PTPRT: variants seen among roughly 807,000 people sequenced by gnomAD.
The protein encoded by PTPRT is receptor-type tyrosine-protein phosphatase T.
Under a neutral mutation model 176.8 loss-of-function variants are expected in PTPRT, and 56 were observed. The observed-to-expected ratio is 0.32, with a 90% confidence interval of 0.26 to 0.40. The LOEUF is 0.40. PTPRT is among the 10% of genes least tolerant of loss of function. The probability of loss-of-function intolerance (pLI) is 1.00; values close to 1 mark genes in which losing one functional copy is unlikely to be tolerated. For synonymous variants in PTPRT, 783 were observed against 739.0 expected (o/e 1.06, Z -0.96); for missense variants, 1,540 against 1,908.2 (o/e 0.81, Z 3.60).
intron 16 of PTPRT, among the ~76,000 whole-genome samples, chr20:42,166,248 T>C (rs1285796601): frequency 6.6e-6 from 1 of 152,184 alleles, no homozygotes; most frequent in Non-Finnish European, 1.5e-5. Flanking sequence ...TGATCCAGTG[T>C]AAAACAGCTC....
chr20:42,221,210 G>C (rs2055879162), intron 15 of PTPRT, among the ~76,000 whole-genome samples: 2 of 152,130 alleles, frequency 1.3e-5, no homozygotes, highest in South Asian at 4.1e-4. Context: ...CGCCATGTTG[G>C]CCAGGGTGGT....
At chr20:42,446,004 A>G (rs2070726154) in intron 9 of PTPRT, among the ~76,000 whole-genome samples, 1 of 152,202 alleles carries the variant, frequency 6.6e-6, no homozygotes, top group South Asian at 2.1e-4. Flanking sequence ...AATTTTAATC[A>G]TGATATTTCT....
intron 2 of PTPRT, among the ~76,000 whole-genome samples, chr20:42,812,423 T>C (rs1295009597): frequency 1.3e-5 from 2 of 152,134 alleles, no homozygotes; most frequent in African/African-American, 4.8e-5. Flanking sequence ...TAACCTCTAA[T>C]CTACTTTCTA....
intron 14 of PTPRT, among the ~76,000 whole-genome samples, chr20:42,237,544 A>G (rs1472747742): frequency 6.6e-6 from 1 of 152,218 alleles, no homozygotes; most frequent in African/African-American, 2.4e-5. Flanking sequence ...TATTTTATAT[A>G]TTGAAGTTTT....
the PTPRT span, among the ~76,000 whole-genome samples, chr20:42,059,439 A>T: frequency 0.12 from 17,512 of 152,214 alleles, 2,516 homozygotes; most frequent in African/African-American, 0.34. Context: ...ATGAGATGCA[A>T]GAAGGCGGCT....
intron 1 of PTPRT, among the ~76,000 whole-genome samples, chr20:43,183,754 G>T (rs559868721): frequency 1.3e-5 from 2 of 152,348 alleles, no homozygotes; most frequent in Admixed American, 1.3e-4. Context: ...TGTCTCCATA[G>T]ATCTGCCTTA....
chr20:42,083,596 G>A (rs992050536), intron 29 of PTPRT, among the ~76,000 whole-genome samples: 3 of 152,172 alleles, frequency 2.0e-5, no homozygotes, highest in Non-Finnish European at 4.4e-5. Context: ...TGCCTAACAT[G>A]TGCATGCACC....
At chr20:42,138,679 G>C (rs528650951) in intron 18 of PTPRT, among the ~76,000 whole-genome samples, 1 of 152,246 alleles carries the variant, frequency 6.6e-6, no homozygotes, top group South Asian at 2.1e-4. Flanking sequence ...CTGCCCTAGA[G>C]TTACTTGGAA....
chr20:43,141,580 T>C (rs1296126525), intron 1 of PTPRT, among the ~76,000 whole-genome samples: 1 of 152,152 alleles, frequency 6.6e-6, no homozygotes, highest in Non-Finnish European at 1.5e-5. Flanking sequence ...GAGCCACGTG[T>C]CCAAGCCCAG....
chr20:43,045,454 C>CTTTT (rs1177406632), intron 1 of PTPRT, among the ~76,000 whole-genome samples: 29 of 119,302 alleles, frequency 2.4e-4, no homozygotes, highest in Middle Eastern at 4.0e-3. Flanking sequence ...TTCTTTTTTT[C>CTTTT]ATTTTTTTTT....
intron 7 of PTPRT, among the ~76,000 whole-genome samples, chr20:42,574,514 A>G (rs1361085518): frequency 6.6e-6 from 1 of 152,184 alleles, no homozygotes; most frequent in Non-Finnish European, 1.5e-5. Context: ...GGCCTCCAAA[A>G]GAGACAGTGC....
At chr20:42,667,653 C>T (rs1433240439) in intron 7 of PTPRT, among the ~76,000 whole-genome samples, 1 of 152,182 alleles carries the variant, frequency 6.6e-6, no homozygotes. Flanking sequence ...TGAGGGATTA[C>T]TTGTTGACTT....
intron 16 of PTPRT, among the ~76,000 whole-genome samples, chr20:42,168,428 A>G (rs1299872236): frequency 6.6e-6 from 1 of 152,202 alleles, no homozygotes; most frequent in African/African-American, 2.4e-5. Context: ...TCAAGGTGGA[A>G]CCTGGCTGGC....
chr20:42,110,523 T>C lies in PTPRT; in HGVS notation c.3100-36A>G, dbSNP rs755877917. 31 of 1,555,056 alleles carry C rather than the reference T, an allele frequency of 2.0e-5. No homozygotes were observed. In the Admixed American group the frequency reaches 5.2e-4, roughly 26 times the overall value. On this transcript the variant is annotated intron_variant, in intron 22 of 30. Coordinates refer to ENST00000373187, the MANE Select transcript of PTPRT (RefSeq NM_007050.6). ...AACGGGCCTCTGTTCTTCCAGCTGC[T>C]GCCCTCGCATACCCAGCCCAGCAAC...
At chr20:42,760,362 A>C (rs960093262) in intron 5 of PTPRT, among the ~76,000 whole-genome samples, 2 of 141,902 alleles carry the variant, frequency 1.4e-5, no homozygotes, top group African/African-American at 5.2e-5. Context: ...ATTTTCTGGC[A>C]GTCTGTTTCT....
At chr20:42,186,410 C>T (rs1990785013) in intron 16 of PTPRT, among the ~76,000 whole-genome samples, 1 of 151,742 alleles carries the variant, frequency 6.6e-6, no homozygotes, top group Non-Finnish European at 1.5e-5. Context: ...TTCCACCCCA[C>T]ATTCCTTCTA....
intron 27 of PTPRT, among the ~76,000 whole-genome samples, chr20:42,090,780 C>T (rs1032113560): frequency 3.9e-5 from 6 of 152,198 alleles, no homozygotes; most frequent in African/African-American, 1.2e-4. Context: ...TTTAAGATCA[C>T]GAGGACGTAG....
intron 6 of PTPRT, among the ~76,000 whole-genome samples, chr20:42,713,324 G>T (rs6103007): frequency 6.6e-6 from 1 of 152,136 alleles, no homozygotes; most frequent in Middle Eastern, 3.4e-3. Flanking sequence ...GAGTAACATT[G>T]CAATATTTTT....
intron 7 of PTPRT, among the ~76,000 whole-genome samples, chr20:42,612,850 C>T (rs955059323): frequency 6.6e-6 from 1 of 151,712 alleles, no homozygotes; most frequent in Non-Finnish European, 1.5e-5. Context: ...GGACCATGGT[C>T]CACCATGGAA....
Sources: allele counts gnomAD v4.1 joint callset (sites outside exome capture counted in the v4.1 genomes callset), GRCh38; gene constraint gnomAD v4.1.1; transcripts MANE v1.5; gene names NCBI Gene and HGNC (gene_info 2026-07-23, HGNC 2026-07-21).